Variants in PPP1R7 observed in about 807,000 individuals in gnomAD.
The protein encoded by PPP1R7 is protein phosphatase 1 regulatory subunit 7.
PPP1R7 carries 18 observed loss-of-function variants against 45.2 expected under a neutral mutation model. The ratio of observed to expected loss-of-function variants is 0.40; its 90% CI spans 0.28 to 0.59. The LOEUF is 0.59. Among genes scored for constraint, PPP1R7 ranks in the 20% least tolerant of loss-of-function variants. The probability of loss-of-function intolerance (pLI) is 0.46; values close to 1 mark genes in which losing one functional copy is unlikely to be tolerated. For missense variants in PPP1R7, 314 were observed against 455.8 expected (o/e 0.69, Z 2.83); for synonymous variants, 181 against 183.4 (o/e 0.99, Z 0.11).
chr2:241,182,742 G>C lies in PPP1R7; in HGVS notation c.1002G>C (p.Gln334His), dbSNP rs2068026010. ...ETVYLERNPL[Q>H]KDPQYRRKVM... Reference sequence around the variant, plus strand: ...TGTACCTGGAGCGGAACCCCTTGCAGAAGGACCCCCAGTACCGGCGGAAGG... The same window carrying C: ...TGTACCTGGAGCGGAACCCCTTGCACAAGGACCCCCAGTACCGGCGGAAGG... The change falls in exon 10 of 10, where the codon CAG becomes CAC. Residue 334 changes from glutamine to histidine, a missense_variant. Coordinates refer to ENST00000234038, the MANE Select transcript of PPP1R7 (RefSeq NM_002712.3). 2 of 1,614,114 alleles carry C rather than the reference G, an allele frequency of 1.2e-6. No individual in the cohort carries two copies. The highest frequency in any genetic ancestry group is 1.7e-6 in the Non-Finnish European group (2 of 1,180,056).
intron 8 of PPP1R7, among the ~76,000 whole-genome samples, chr2:241,167,417 C>T (rs1488698999): frequency 1.3e-5 from 2 of 152,216 alleles, no homozygotes; most frequent in Non-Finnish European, 2.9e-5. Flanking sequence ...AGCATGCAAA[C>T]CAAGTGTTCA....
chr2:241,151,291 C>T (rs982351927), intron 1 of PPP1R7, among the ~76,000 whole-genome samples: 7 of 152,066 alleles, frequency 4.6e-5, no homozygotes, highest in Non-Finnish European at 8.8e-5. Flanking sequence ...ACTTTTGGGT[C>T]CCATGGTTTG....
intron 1 of PPP1R7, 90 bp from the exon 2 acceptor site, chr2:241,153,386 A>C: frequency 6.5e-7 from 1 of 1,528,442 alleles, no homozygotes; most frequent in South Asian, 1.2e-5. Flanking sequence ...TTTAAATGAA[A>C]TCCTTTTGAC....
Position 241,182,516 on chromosome 2 carries a change from A to G in PPP1R7, c.907-131A>G, listed in dbSNP as rs2068022216. ...CCAAGAGGCCATGGAAGGTCCCATGAGGTGCCAGGGAAGACCCACACCTGC... is the reference window on the plus strand; with the variant it reads ...CCAAGAGGCCATGGAAGGTCCCATGGGGTGCCAGGGAAGACCCACACCTGC... On this transcript the variant is annotated intron_variant, in intron 9 of 9. Coordinates refer to ENST00000234038, the MANE Select transcript of PPP1R7 (RefSeq NM_002712.3). 1.5e-5 allele frequency: 16 copies of G among 1,100,590 alleles called. 1 individual carries two copies. In the South Asian group the frequency reaches 2.3e-4, roughly 16 times the overall value. The allele number at this position is 1,100,590 out of a possible 1,614,324, so 68.2% of individuals were successfully genotyped here.
At chr2:241,181,096 G>A (rs2067996746) in intron 9 of PPP1R7, among the ~76,000 whole-genome samples, 1 of 152,188 alleles carries the variant, frequency 6.6e-6, no homozygotes, top group African/African-American at 2.4e-5. Context: ...TACTTGGGAG[G>A]CTGAGGTGGG....
intron 9 of PPP1R7, 152 bp downstream of exon 9, chr2:241,170,019 CTTGTA>C (rs1462909214): frequency 3.2e-6 from 2 of 619,446 alleles, no homozygotes; most frequent in Non-Finnish European, 5.7e-6. Flanking sequence ...CTCTTGTAGA[CTTGTA>C]TTGGGTGTTG....
chr2:241,169,801 C>T lies in PPP1R7; in HGVS notation c.840C>T (p.Asp280=), dbSNP rs772758958. The T allele has an allele frequency of 2.5e-6, 4 of 1,611,080 alleles. No homozygotes were observed. Among genetic ancestry groups the T allele is most frequent in the African/African-American group, 1.3e-5 (1 of 74,864 alleles). Residue 280 remains aspartate, a synonymous_variant, in exon 9 of 10, where the codon GAC becomes GAT. Transcript: ENST00000234038. The part of the protein sequence containing the change: ...LENNNKLTML[D]IASNRIKKIE... ...TTTAGAACAAACTCACGATGTTGGA[C>T]ATTGCATCAAATAGAATCAAAAAGA...
chr2:241,150,005 C>A, upstream of PPP1R7: 1 of 1,404,544 alleles, frequency 7.1e-7, no homozygotes, highest in South Asian at 1.5e-5. Flanking sequence ...TTGCTCTTGC[C>A]GTTCGGCCCA....
upstream of PPP1R7, chr2:241,149,589 AG>A (rs2067186412): frequency 1.4e-6 from 2 of 1,472,788 alleles, no homozygotes; most frequent in African/African-American, 2.8e-5. Flanking sequence ...GCCCGCGCTA[AG>A]GGTTGCTAGG....
chr2:241,169,496 A>C (rs1309381077), intron 8 of PPP1R7, among the ~76,000 whole-genome samples: 1 of 152,240 alleles, frequency 6.6e-6, no homozygotes, highest in Non-Finnish European at 1.5e-5. Flanking sequence ...CTCAATGGAC[A>C]GGGATCTGGG....
At chr2:241,158,844 T>G in intron 4 of PPP1R7, 1 of 466,214 alleles carries the variant, frequency 2.1e-6, no homozygotes. Context: ...CGCTGACTTT[T>G]ACAGTCCTCC....
rs112349460 is a variant in PPP1R7, at chr2:241,172,889, AT to A, written c.906+3031del. ...TGGATACACAATTCTAGCTTGAGAG[AT>A]TTTTTTTTCCTTTTTAAGTACATTA... On this transcript the variant is annotated intron_variant, in intron 9 of 9. Coordinates refer to ENST00000234038, the MANE Select transcript of PPP1R7 (RefSeq NM_002712.3). Among the ~76,000 whole-genome samples the A allele has an allele frequency of 9.3e-3, 1,405 of 150,466 alleles. 24 individuals are homozygous for A. The highest frequency in any genetic ancestry group is 0.031 in the African/African-American group (1,271 of 41,000).
rs1382547862 is a variant in PPP1R7, at chr2:241,182,642, C to A, written c.907-5C>A. The A allele has an allele frequency of 2.5e-6, 4 of 1,613,900 alleles. No individual in the cohort carries two copies. In the African/African-American group the frequency reaches 5.3e-5, roughly 22 times the overall value. ...TAAAGGCTTTTCTGCTGTGTGTGTC[C>A]CCAGATGAACGACAATCTCCTTGAG... On this transcript the variant is annotated splice_polypyrimidine_tract_variant and splice_region_variant and intron_variant, in intron 9 of 9. Coordinates refer to ENST00000234038, the MANE Select transcript of PPP1R7 (RefSeq NM_002712.3).
chr2:241,183,388 T>G lies in PPP1R7; in HGVS notation c.*565T>G. On this transcript the variant is annotated 3_prime_UTR_variant, in exon 10 of 10. Coordinates refer to ENST00000234038, the MANE Select transcript of PPP1R7 (RefSeq NM_002712.3). ...TGCTTGTGTTCCTTAGAGCTCTCCT[T>G]CAAAGAGCGCCGGGCAGGGCTGACT... 2.1e-6 allele frequency: 1 copy of G among 471,184 alleles called. No homozygotes were observed. Among genetic ancestry groups the G allele is most frequent in the South Asian group, 1.5e-5 (1 of 64,564 alleles). The allele number at this position is 471,184 out of a possible 1,614,324, so 29.2% of individuals were successfully genotyped here.
rs775525328 is a variant in PPP1R7, at chr2:241,158,568, A to C, written c.303+19A>C. 1 of 1,604,538 alleles carries C rather than the reference A, an allele frequency of 6.2e-7. No homozygotes were observed. Among genetic ancestry groups the C allele is most frequent in the South Asian group, 1.1e-5 (1 of 90,888 alleles). On this transcript the variant is annotated intron_variant, in intron 4 of 9. Coordinates refer to ENST00000234038, the MANE Select transcript of PPP1R7 (RefSeq NM_002712.3). Reference sequence around the variant, plus strand: ...AGTGAAGGTGAGAGGGACTCTTATGAGGGGACTATGACGCTCACCCATAGG... The same window carrying C: ...AGTGAAGGTGAGAGGGACTCTTATGCGGGGACTATGACGCTCACCCATAGG...
At chr2:241,177,162 C>T (rs546378152) in intron 9 of PPP1R7, among the ~76,000 whole-genome samples, 1 of 152,288 alleles carries the variant, frequency 6.6e-6, no homozygotes, top group South Asian at 2.1e-4. Flanking sequence ...ACCCAGGAGG[C>T]GGAGGTTGCA....
chr2:241,153,920 G>A (rs918937522), intron 2 of PPP1R7, among the ~76,000 whole-genome samples: 7 of 152,154 alleles, frequency 4.6e-5, no homozygotes, highest in South Asian at 2.1e-4. Context: ...AGTGGCTCAT[G>A]CCTGTAATCC....
At chr2:241,155,694 G>T (rs1220524368) in intron 2 of PPP1R7, among the ~76,000 whole-genome samples, 1 of 152,172 alleles carries the variant, frequency 6.6e-6, no homozygotes, top group Non-Finnish European at 1.5e-5. Flanking sequence ...CCATGCGACC[G>T]TGTGTCCTGA....
At chr2:241,159,133 T>G in intron 4 of PPP1R7, 80 bp from the exon 5 acceptor site, 1 of 1,504,750 alleles carries the variant, frequency 6.6e-7, no homozygotes, top group Non-Finnish European at 9.1e-7. Flanking sequence ...AAGGCCTTTC[T>G]TGTGTCCTCC....
Sources: gnomAD v4.1 joint callset for allele counts (sites outside exome capture counted in the v4.1 genomes callset) on GRCh38, gnomAD v4.1.1 for gene constraint, MANE v1.5 for transcripts, NCBI Gene and HGNC (gene_info 2026-07-23, HGNC 2026-07-21) for gene names.